Variants in ENTPD4 observed in about 807,000 individuals in gnomAD.
ENTPD4 encodes Golgi UDPase.
ENTPD4 carries 60 observed loss-of-function variants against 79.1 expected under a neutral mutation model. The observed-to-expected ratio is 0.76, with a 90% CI of 0.62 to 0.94. ENTPD4 has a LOEUF of 0.94. ENTPD4 is among the 40% of genes least tolerant of loss of function. The probability of loss-of-function intolerance (pLI) is 0.00; values close to 1 mark genes in which losing one functional copy is unlikely to be tolerated. For missense variants in ENTPD4, 772 were observed against 775.1 expected, an observed-to-expected ratio of 1.00 and a Z score of 0.05; for synonymous variants, 276 against 292.0, an observed-to-expected ratio of 0.95 and a Z score of 0.56.
intron 4 of ENTPD4, among the ~76,000 whole-genome samples, chr8:23,445,075 A>G (rs1469917430): frequency 6.6e-6 from 1 of 152,030 alleles, no homozygotes; most frequent in African/African-American, 2.4e-5. Context: ...GCAAAATCTG[A>G]ACTCAACTTT....
In ENTPD4 at chr8:23,432,672, G is replaced by T; in HGVS notation, c.*254C>A. The T allele has an allele frequency of 2.5e-6, 2 of 786,380 alleles. No homozygotes were observed. Among genetic ancestry groups the T allele is most frequent in the South Asian group, 2.9e-5 (1 of 33,900 alleles). The allele number at this position is 786,380 out of a possible 1,614,324, so 48.7% of individuals were successfully genotyped here. A position where few individuals can be genotyped will look rare whatever the true frequency, so the allele number is the denominator to read the frequency against. On this transcript the variant is annotated 3_prime_UTR_variant, in exon 13 of 13. Transcript: ENST00000358689. ...CGCCACCACACCCAGCTAATTTTTT[G>T]TATTTTTAGTAGAGACGGGGTTTCA...
chr8:23,444,378 A>G (rs981756587), intron 5 of ENTPD4, 78 bp downstream of exon 5: 13 of 1,231,794 alleles, frequency 1.1e-5, no homozygotes, highest in Middle Eastern at 2.7e-4. Context: ...TGGAGAGGAG[A>G]AGGAGGAAGG....
rs1373290551 is a variant in ENTPD4 at position 23,430,753 on chromosome 8, A to C, written c.*2173T>G. ...TAACTCCCTGGGTGCCCACCTGCCC[A>C]CTTCAACCATTTGTGGCCCCTTCCT... On this transcript the variant is annotated 3_prime_UTR_variant, in exon 13 of 13. Transcript: ENST00000358689. 1.6e-5 allele frequency: 16 copies of C among 985,438 alleles called. No homozygotes were observed. Among genetic ancestry groups the C allele is most frequent in the Non-Finnish European group, 1.4e-5 (12 of 830,098 alleles). The allele number at this position is 985,438 out of a possible 1,614,324, so 61.0% of individuals were successfully genotyped here. A position where few individuals can be genotyped will look rare whatever the true frequency, so the allele number is the denominator to read the frequency against.
chr8:23,430,038 G>T lies in ENTPD4; in HGVS notation c.*2888C>A. On this transcript the variant is annotated 3_prime_UTR_variant, in exon 13 of 13. Coordinates refer to ENST00000358689, the MANE Select transcript of ENTPD4 (RefSeq NM_004901.5). The stretch of plus-strand genomic sequence containing the variant: ...TGATAAAGCTTTGGGCAAGTTCCTA[G>T]TCCAATTTCTTCTGCTACAAGTACA... The T allele has an allele frequency of 1.0e-6, 1 of 985,440 alleles. No individual in the cohort carries two copies. Among genetic ancestry groups the T allele is most frequent in the Non-Finnish European group, 1.2e-6 (1 of 829,928 alleles). 61.0% of individuals were successfully genotyped at this position (985,440 alleles called of 1,614,324 possible).
chr8:23,448,373 A>C (rs1800799195), intron 3 of ENTPD4, among the ~76,000 whole-genome samples: 1 of 152,160 alleles, frequency 6.6e-6, no homozygotes, highest in Admixed American at 6.5e-5. Context: ...TTATGGTCTG[A>C]ATGTCTGGGG....
At chr8:23,447,943 A>C (rs1246580217) in intron 3 of ENTPD4, 58 bp from the exon 4 acceptor site, 2 of 1,443,486 alleles carry the variant, frequency 1.4e-6, no homozygotes, top group Non-Finnish European at 1.9e-6. Context: ...CTGAAGTCTA[A>C]CAGAGAAAAT....
intron 1 of ENTPD4, among the ~76,000 whole-genome samples, chr8:23,451,994 T>C (rs959858764): frequency 1.3e-5 from 2 of 152,218 alleles, no homozygotes; most frequent in Non-Finnish European, 2.9e-5. Flanking sequence ...GTACAAATAC[T>C]AACTTCATTC....
chr8:23,455,087 T>A (rs1033512984), intron 1 of ENTPD4, among the ~76,000 whole-genome samples: 1 of 152,208 alleles, frequency 6.6e-6, no homozygotes, highest in African/African-American at 2.4e-5. Flanking sequence ...ATTATTGGAA[T>A]AAAGCCTACA....
At position 23,430,392 on chromosome 8, in the gene ENTPD4, G is replaced by C; in HGVS notation, c.*2534C>G. 1 of 985,356 alleles carries C rather than the reference G, an allele frequency of 1.0e-6. No individual in the cohort carries two copies. The highest frequency in any genetic ancestry group is 4.7e-5 in the South Asian group (1 of 21,284). The allele number at this position is 985,356 out of a possible 1,614,324, so 61.0% of individuals were successfully genotyped here. A position where few individuals can be genotyped will look rare whatever the true frequency, so the allele number is the denominator to read the frequency against. On this transcript the variant is annotated 3_prime_UTR_variant, in exon 13 of 13. Coordinates refer to ENST00000358689, the MANE Select transcript of ENTPD4 (RefSeq NM_004901.5). ...AACAAATATTTTAAGATTGAAGTTT[G>C]GTTACTTCTCTTGTCCATCTTTTCG...
intron 6 of ENTPD4, 75 bp from the exon 7 acceptor site, chr8:23,442,141 T>C (rs1025130984): frequency 1.0e-6 from 1 of 983,500 alleles, no homozygotes; most frequent in Admixed American, 1.8e-5. Context: ...GCGCAGTCTG[T>C]GCAAACGTCT....
intron 5 of ENTPD4, 79 bp downstream of exon 5, chr8:23,444,377 G>A: frequency 4.1e-6 from 5 of 1,226,940 alleles, no homozygotes; most frequent in Non-Finnish European, 4.7e-6. Flanking sequence ...ATGGAGAGGA[G>A]AAGGAGGAAG....
At chr8:23,434,796 G>T in intron 11 of ENTPD4, 1 of 889,276 alleles carries the variant, frequency 1.1e-6, no homozygotes, top group Non-Finnish European at 1.4e-6. Context: ...ATACTGAACA[G>T]GTTCCAACCT....
In ENTPD4 at chr8:23,433,062, A is replaced by G. The variant is rs1219152146; in HGVS notation, c.1715T>C (p.Leu572Pro). The G allele has an allele frequency of 6.2e-7, 1 of 1,614,200 alleles. No individual in the cohort carries two copies. The highest frequency in any genetic ancestry group is 1.7e-5 in the Admixed American group (1 of 60,036). The change falls in exon 13 of 13, where the codon CTG (leucine) becomes CCG (proline). Residue 572 changes from leucine (L) to proline (P), a missense_variant. Physicochemically the swap from Leu to Pro is moderately conservative, Grantham distance 98 (BLOSUM62 -3). Transcript: ENST00000358689. ...CAGCAGGATGGCCAGCAGCACCACC[A>G]GGAAGCAGCCAGAGAACAGGTAGTG... ...YNHYLFSGCF[L>P]VVLLAILLYL... is the part of the protein sequence containing the mutation.
chr8:23,444,490 G>A lies in ENTPD4; in HGVS notation c.529C>T (p.Leu177Phe), dbSNP rs770603152. The change falls in exon 5 of 13, where the codon CTC becomes TTC. Residue 177 changes from leucine to phenylalanine, a missense_variant. Leu to Phe is a conservative substitution (Grantham distance 22). Transcript: ENST00000358689. ...AGGATTCTCATTCCAGCCGTGCAGAGAATGTAGAGAGGTGTCTCTTTGTGT... is the reference window on the plus strand; with the variant it reads ...AGGATTCTCATTCCAGCCGTGCAGAAAATGTAGAGAGGTGTCTCTTTGTGT... ...AKHKETPLYILCTAGMRILPE... is the reference protein window; with the variant it reads ...AKHKETPLYIFCTAGMRILPE... The A allele has an allele frequency of 7.4e-6, 12 of 1,614,096 alleles. No homozygotes were observed. Among genetic ancestry groups the A allele is most frequent in the Non-Finnish European group, 9.3e-6 (11 of 1,180,036 alleles).
intron 10 of ENTPD4, 35 bp downstream of exon 10, chr8:23,436,899 A>G (rs2272642): frequency 0.17 from 250,763 of 1,500,966 alleles, 22,030 homozygotes; most frequent in Middle Eastern, 0.2. Context: ...GGTCTCTCAA[A>G]AGCATGCAGA....
At chr8:23,450,442 C>T (rs1400432485) in intron 1 of ENTPD4, among the ~76,000 whole-genome samples, 4 of 152,232 alleles carry the variant, frequency 2.6e-5, no homozygotes, top group Admixed American at 2.0e-4. Context: ...TCTCCGACTC[C>T]ACCATTATCA....
rs150919990 is a variant in ENTPD4 at position 23,443,913 on chromosome 8, G to T, written c.604C>A (p.Pro202Thr). Residue 202 changes from proline (P) to threonine (T), a missense_variant, in exon 6 of 13, where the codon CCC becomes ACC. Coordinates refer to ENST00000358689, the MANE Select transcript of ENTPD4 (RefSeq NM_004901.5). ...AILEDLLTDI[P>T]VHFDFLFSDS... Reference sequence around the variant, plus strand: ...GAAAACAGAAAGTCAAAGTGCACGGGGATATCGGTCAGAAGGTCTTCCAGA... The same window carrying T: ...GAAAACAGAAAGTCAAAGTGCACGGTGATATCGGTCAGAAGGTCTTCCAGA... 6.2e-7 allele frequency: 1 copy of T among 1,613,560 alleles called. No individual in the cohort carries two copies. Among genetic ancestry groups the T allele is most frequent in the Non-Finnish European group, 8.5e-7 (1 of 1,179,748 alleles).
Position 23,429,331 on chromosome 8 carries a change from T to C in ENTPD4, c.*3595A>G. 2.0e-6 allele frequency: 2 copies of C among 985,248 alleles called. No individual in the cohort carries two copies. The highest frequency in any genetic ancestry group is 2.4e-6 in the Non-Finnish European group (2 of 829,724). 61.0% of individuals were successfully genotyped at this position (985,248 alleles called of 1,614,324 possible). A position where few individuals can be genotyped will look rare whatever the true frequency, so the allele number is the denominator to read the frequency against. On this transcript the variant is annotated 3_prime_UTR_variant, in exon 13 of 13. Transcript: ENST00000358689. ...AAAACATTTAAAGATGCTCCCTTGC[T>C]TTTTATAATTCCTAACTGTAAAATA...
At chr8:23,436,286 G>A (rs1259048824) in intron 10 of ENTPD4, among the ~76,000 whole-genome samples, 1 of 152,238 alleles carries the variant, frequency 6.6e-6, no homozygotes, top group Non-Finnish European at 1.5e-5. Context: ...GGGGTGTATA[G>A]GGAGAGATGA....
Sources: gnomAD v4.1 joint callset for allele counts (sites outside exome capture counted in the v4.1 genomes callset) on GRCh38, gnomAD v4.1.1 for gene constraint, MANE v1.5 for transcripts, NCBI Gene and HGNC (gene_info 2026-07-23, HGNC 2026-07-21) for gene names.